NCAM1: variants seen among roughly 807,000 people sequenced by gnomAD.
The protein encoded by NCAM1 is neural cell adhesion molecule 1.
In NCAM1, 14 loss-of-function variants were observed where a neutral mutation model predicts 109.8. The ratio of observed to expected loss-of-function variants is 0.13; its 90% confidence interval spans 0.08 to 0.20. The LOEUF (loss-of-function observed/expected upper bound fraction) is 0.20. NCAM1 is among the 10% of genes least tolerant of loss of function. The pLI is 1.00. For synonymous variants in NCAM1, 418 were observed against 442.9 expected (o/e 0.94, Z 0.70); for missense variants, 774 against 1,109.9 (o/e 0.70, Z 4.30).
In NCAM1 at chr11:113,081,535, A is replaced by C. The variant is rs1377079936; in HGVS notation, c.52+119871A>C. Among the ~76,000 whole-genome samples, 2 of 149,236 alleles carry C rather than the reference A, an allele frequency of 1.3e-5. 1 individual carries two copies. The highest frequency in any genetic ancestry group is 4.9e-5 in the African/African-American group (2 of 41,014). On this transcript the variant is annotated intron_variant, in intron 1 of 19. Transcript: ENST00000316851. ...TGCCACAAGCGACCAAATACTTTTT[A>C]TCTTTTCTTTTTTTCTTTTTTTTTG...
intron 17 of NCAM1, chr11:113,263,979 C>T (rs1160515975): frequency 3.0e-6 from 3 of 985,284 alleles, no homozygotes; most frequent in Non-Finnish European, 3.6e-6. Flanking sequence ...TTTCTAAACT[C>T]TCCTGAAAAT....
intron 1 of NCAM1, among the ~76,000 whole-genome samples, chr11:113,158,668 A>G (rs781838625): frequency 4.6e-5 from 7 of 152,186 alleles, no homozygotes; most frequent in Non-Finnish European, 8.8e-5. Flanking sequence ...AAGCCAAATT[A>G]TAGAGTTCAC....
intron 14 of NCAM1, 29 bp from the exon 15 acceptor site, chr11:113,246,339 C>A: frequency 1.4e-6 from 1 of 737,444 alleles, no homozygotes; most frequent in East Asian, 2.5e-5. Context: ...TTGCATGGTG[C>A]TGATGATGTC....
At chr11:113,142,447 T>C (rs370088185) in intron 1 of NCAM1, among the ~76,000 whole-genome samples, 3 of 152,156 alleles carry the variant, frequency 2.0e-5, no homozygotes, top group East Asian at 1.9e-4. Flanking sequence ...CTTTTGAAAA[T>C]TGGGACATCT....
At chr11:113,117,018 A>G (rs1429422985) in intron 1 of NCAM1, among the ~76,000 whole-genome samples, 2 of 151,966 alleles carry the variant, frequency 1.3e-5, no homozygotes, top group African/African-American at 4.8e-5. Context: ...AATCCTTTTG[A>G]ATAAGACTGG....
intron 1 of NCAM1, among the ~76,000 whole-genome samples, chr11:113,057,978 T>G (rs1953773962): frequency 6.6e-6 from 1 of 152,146 alleles, no homozygotes; most frequent in Non-Finnish European, 1.5e-5. Context: ...GAGAAGAGCC[T>G]GGTTGTCATT....
chr11:113,145,629 G>T (rs1278784145), intron 1 of NCAM1, among the ~76,000 whole-genome samples: 2 of 152,098 alleles, frequency 1.3e-5, no homozygotes, highest in Non-Finnish European at 2.9e-5. Context: ...TATACAATTA[G>T]AAAAAGGTTA....
Position 113,271,840 on chromosome 11 carries a change from C to G in NCAM1, c.2420C>G (p.Thr807Arg). The G allele has an allele frequency of 4.5e-6, 7 of 1,572,798 alleles. No homozygotes were observed. Among genetic ancestry groups the G allele is most frequent in the Non-Finnish European group, 6.0e-6 (7 of 1,159,460 alleles). ...RTPNHDGGKH[T>R]EPNETTPLTE... is the part of the protein sequence containing the mutation. ...CCAAACCATGATGGAGGGAAACACACAGAGCCCAACGAGACCACGCCACTG... is the reference window on the plus strand; with the variant it reads ...CCAAACCATGATGGAGGGAAACACAGAGAGCCCAACGAGACCACGCCACTG... The change falls in exon 19 of 20, where the codon ACA (threonine) becomes AGA (arginine). Residue 807 changes from threonine to arginine, a missense_variant. Around this residue, in one of 4 missense-constraint regions of NCAM1, gnomAD observed 122 missense variants for 129.7 expected, o/e 0.94. Coordinates refer to ENST00000316851, the MANE Select transcript of NCAM1 (RefSeq NM_181351.5).
At chr11:113,055,980 TATA>T (rs1953686070) in intron 1 of NCAM1, among the ~76,000 whole-genome samples, 2 of 4,818 alleles carry the variant, frequency 4.2e-4, no homozygotes, top group African/African-American at 2.3e-3. Flanking sequence ...GAAAATGTGA[TATA>T]TATATATATA....
intron 1 of NCAM1, among the ~76,000 whole-genome samples, chr11:113,052,097 T>C (rs1555081902): frequency 6.6e-6 from 1 of 152,188 alleles, no homozygotes. Flanking sequence ...TTCAATAACA[T>C]GAGGATTTCA....
intron 1 of NCAM1, among the ~76,000 whole-genome samples, chr11:113,145,010 C>A (rs782676629): frequency 1.3e-5 from 2 of 152,166 alleles, no homozygotes; most frequent in Non-Finnish European, 2.9e-5. Context: ...GACCTTACAG[C>A]AATTCACTGA....
At chr11:112,965,724 A>T (rs1232247928) in intron 1 of NCAM1, among the ~76,000 whole-genome samples, 1 of 152,204 alleles carries the variant, frequency 6.6e-6, no homozygotes, top group African/African-American at 2.4e-5. Context: ...TGTCTTTAGT[A>T]TTAAAGAACT....
In NCAM1 at chr11:113,020,508, A is replaced by T. The variant is rs558024396; in HGVS notation, c.52+58844A>T. Among the ~76,000 whole-genome samples the T allele has an allele frequency of 6.6e-5, 10 of 152,146 alleles. No individual in the cohort carries two copies. In the South Asian group the frequency reaches 2.1e-3, roughly 32 times the overall value. Reference sequence around the variant, plus strand: ...ATTACCTTTGAACTGTCCCTTATATATTTTGTTATATTTTTACTTTAGAGG... The same window carrying T: ...ATTACCTTTGAACTGTCCCTTATATTTTTTGTTATATTTTTACTTTAGAGG... On this transcript the variant is annotated intron_variant, in intron 1 of 19. Coordinates refer to ENST00000316851, the MANE Select transcript of NCAM1 (RefSeq NM_181351.5).
At chr11:113,117,208 A>G (rs1940751568) in intron 1 of NCAM1, among the ~76,000 whole-genome samples, 1 of 152,040 alleles carries the variant, frequency 6.6e-6, no homozygotes, top group African/African-American at 2.4e-5. Flanking sequence ...AACTGTTATG[A>G]GGGAGCAAAC....
At chr11:113,230,319 G>A (rs1005780772) in intron 9 of NCAM1, among the ~76,000 whole-genome samples, 4 of 152,208 alleles carry the variant, frequency 2.6e-5, no homozygotes, top group Non-Finnish European at 4.4e-5. Context: ...ATCCCAGGGA[G>A]GAATGGCACT....
At chr11:113,201,862 G>T (rs1944072225) in intron 1 of NCAM1, among the ~76,000 whole-genome samples, 1 of 152,212 alleles carries the variant, frequency 6.6e-6, no homozygotes, top group Admixed American at 6.5e-5. Flanking sequence ...ATCAGTGTGA[G>T]CCCTCCTAGT....
chr11:113,222,350 T>C (rs577808927), intron 9 of NCAM1, among the ~76,000 whole-genome samples: 12 of 152,226 alleles, frequency 7.9e-5, no homozygotes, highest in Non-Finnish European at 1.3e-4. Flanking sequence ...AGGCTATACA[T>C]ATTTATATGC....
Position 113,275,487 on chromosome 11 carries a change from CAA to C in NCAM1, c.*102_*103del. The C allele has an allele frequency of 6.4e-6, 9 of 1,401,560 alleles. No homozygotes were observed. The highest frequency in any genetic ancestry group is 8.8e-6 in the Non-Finnish European group (9 of 1,024,948). 86.8% of individuals were successfully genotyped at this position (1,401,560 alleles called of 1,614,324 possible). A position where few individuals can be genotyped will look rare whatever the true frequency, so the allele number is the denominator to read the frequency against. On this transcript the variant is annotated 3_prime_UTR_variant, in exon 20 of 20. Coordinates refer to ENST00000316851, the MANE Select transcript of NCAM1 (RefSeq NM_181351.5). ...AGACACACACACGCACGCACACACA[CAA>C]ACACACATGCACACACACACATCTC...
Position 113,201,247 on chromosome 11 carries a change from T to C in NCAM1, c.53-1132T>C, listed in dbSNP as rs74463557. ...CTGTAGTCTCTCCATCAAATAAGCA[T>C]AGACCAAGACCTGCAGCAGCTCTGC... is the stretch of plus-strand genomic sequence containing the variant. On this transcript the variant is annotated intron_variant, in intron 1 of 19. Transcript: ENST00000316851. Among the ~76,000 whole-genome samples, 350 of 152,148 alleles carry C rather than the reference T, an allele frequency of 2.3e-3. 1 individual carries two copies. The highest frequency in any genetic ancestry group is 7.7e-3 in the African/African-American group (319 of 41,520).
Sources: gnomAD v4.1 joint callset for allele counts (sites outside exome capture counted in the v4.1 genomes callset) on GRCh38, gnomAD v4.1.1 for gene constraint, gnomAD v4.1.1 regional missense constraint, MANE v1.5 for transcripts, NCBI Gene and HGNC (gene_info 2026-07-23, HGNC 2026-07-21) for gene names.